Variants in SIX4 observed in about 807,000 individuals in gnomAD.
SIX4 encodes the protein homeobox protein SIX4.
Under a neutral mutation model 51.5 loss-of-function variants are expected in SIX4, and 23 were observed. The ratio of observed to expected loss-of-function variants is 0.45; its 90% CI spans 0.32 to 0.63. The LOEUF (loss-of-function observed/expected upper bound fraction) is 0.63. Among genes scored for constraint, SIX4 ranks in the 30% least tolerant of loss-of-function variants. SIX4 has a pLI of 0.04. For synonymous variants in SIX4, 413 were observed against 417.3 expected (o/e 0.99, Z 0.13); for missense variants, 867 against 984.0 (o/e 0.88, Z 1.59).
At chr14:60,721,127 C>T in intron 1 of SIX4, 1 of 985,610 alleles carries the variant, frequency 1.0e-6, no homozygotes, top group Non-Finnish European at 1.2e-6. Context: ...GCCTATTTAA[C>T]AAACACCATC....
Position 60,719,349 on chromosome 14 carries a change from G to A in SIX4, c.1549+411C>T, listed in dbSNP as rs1204722826. On this transcript the variant is annotated intron_variant, in intron 2 of 2. Coordinates refer to ENST00000216513, the MANE Select transcript of SIX4 (RefSeq NM_017420.5). This position sits in a 1 kb window ranked among gnomAD's most constrained non-coding sequence, Gnocchi z 4.9. The stretch of plus-strand genomic sequence containing the variant: ...AACATTTTTTGGTCAAATAAATAAT[G>A]CTTAGGTAAAGTGTATGCATTCTTA... 2.6e-5 allele frequency among the ~76,000 whole-genome samples: 4 copies of A among 152,154 alleles called. No individual in the cohort carries two copies. The highest frequency in any genetic ancestry group is 5.9e-5 in the Non-Finnish European group (4 of 68,024).
intron 2 of SIX4, among the ~76,000 whole-genome samples, chr14:60,718,646 A>G (rs1360653090): frequency 1.3e-5 from 2 of 152,338 alleles, no homozygotes; most frequent in East Asian, 3.9e-4. Context: ...CATAACTTGG[A>G]ACAATGATGA....
At chr14:60,718,854 G>A (rs1767136809) in intron 2 of SIX4, among the ~76,000 whole-genome samples, 2 of 152,110 alleles carry the variant, frequency 1.3e-5, no homozygotes, top group Admixed American at 1.3e-4. Context: ...ATAGGAAGCA[G>A]ACCTTTAAAG....
In SIX4 at chr14:60,710,061, TA is replaced by T. The variant is rs1895795159; in HGVS notation, c.*3345del. 1 of 152,680 alleles carries T rather than the reference TA, an allele frequency of 6.5e-6. No individual in the cohort carries two copies. Among genetic ancestry groups the T allele is most frequent in the African/African-American group, 2.4e-5 (1 of 41,464 alleles). 9.5% of individuals were successfully genotyped at this position (152,680 alleles called of 1,614,324 possible). A position where few individuals can be genotyped will look rare whatever the true frequency, so the allele number is the denominator to read the frequency against. ...CTATTTCCCCATAGTTTTCCTGAATTATTTTTATTATGAGATGATCTGTCAA... is the reference window on the plus strand; with the variant it reads ...CTATTTCCCCATAGTTTTCCTGAATTTTTTTATTATGAGATGATCTGTCAA... On this transcript the variant is annotated 3_prime_UTR_variant, in exon 3 of 3. Coordinates refer to ENST00000216513, the MANE Select transcript of SIX4 (RefSeq NM_017420.5).
chr14:60,715,257 C>T (rs1287212190), intron 2 of SIX4, among the ~76,000 whole-genome samples: 1 of 152,152 alleles, frequency 6.6e-6, no homozygotes, highest in Non-Finnish European at 1.5e-5. Context: ...TTAGAAAACA[C>T]AAATGCACCT....
At position 60,722,412 on chromosome 14, in the gene SIX4, G is replaced by GA. The variant is rs1896038943; in HGVS notation, c.863+799dup. 6.6e-6 allele frequency among the ~76,000 whole-genome samples: 1 copy of GA among 152,146 alleles called. No individual in the cohort carries two copies. Among genetic ancestry groups the GA allele is most frequent in the Non-Finnish European group, 1.5e-5 (1 of 68,042 alleles). ...CCCCCACCCATAACTACCGTACCAGGAGGGAGCCAAGCAGCGTTCGGGGGC... is the reference window on the plus strand; with the variant it reads ...CCCCCACCCATAACTACCGTACCAGGAAGGGAGCCAAGCAGCGTTCGGGGGC... On this transcript the variant is annotated intron_variant, in intron 1 of 2. Coordinates refer to ENST00000216513, the MANE Select transcript of SIX4 (RefSeq NM_017420.5). This position sits in a 1 kb window ranked among gnomAD's most constrained non-coding sequence, Gnocchi z 5.9.
In SIX4 at chr14:60,723,537, G is replaced by A. The variant is rs775311369; in HGVS notation, c.538C>T (p.Pro180Ser). ...ESHSFESANH[P>S]LLQQLWYKAR... ...TTGTACCAGAGCTGCTGCAGCAGCGGGTGGTTGGCCGACTCGAAGCTGTGG... is the reference window on the plus strand; with the variant it reads ...TTGTACCAGAGCTGCTGCAGCAGCGAGTGGTTGGCCGACTCGAAGCTGTGG... Residue 180 changes from proline (P) to serine (S), a missense_variant, in exon 1 of 3, where the codon CCG becomes TCG. Physicochemically the swap from Pro to Ser is moderately conservative, Grantham distance 74 (BLOSUM62 -1). Transcript: ENST00000216513. The A allele has an allele frequency of 1.4e-5, 22 of 1,608,284 alleles. No homozygotes were observed. Among genetic ancestry groups the A allele is most frequent in the African/African-American group, 5.3e-5 (4 of 74,898 alleles).
rs746676772 is a variant in SIX4 at position 60,713,690 on chromosome 14, A to G, written c.2063T>C (p.Ile688Thr). ...VPMTQAALGE[I>T]VPTAEDQVGH... ...TACCTGATCTTCAGCTGTAGGAACT[A>G]TTTCCCCAAGGGCAGCCTGAGTCAT... Residue 688 changes from isoleucine to threonine, a missense_variant, in exon 3 of 3, where the codon ATA becomes ACA. Transcript: ENST00000216513. 9 of 1,614,208 alleles carry G rather than the reference A, an allele frequency of 5.6e-6. No individual in the cohort carries two copies. The highest frequency in any genetic ancestry group is 7.6e-6 in the Non-Finnish European group (9 of 1,180,032).
chr14:60,713,382 A>G lies in SIX4; in HGVS notation c.*25T>C. On this transcript the variant is annotated 3_prime_UTR_variant, in exon 3 of 3. Transcript: ENST00000216513. The stretch of plus-strand genomic sequence containing the variant: ...ATGAAAAGATTTGCCGCTGATGCCA[A>G]AAAGAGGTGAGGAGGAAATAAAGTT... The G allele has an allele frequency of 6.4e-7, 1 of 1,551,708 alleles. No homozygotes were observed. Among genetic ancestry groups the G allele is most frequent in the Non-Finnish European group, 8.7e-7 (1 of 1,152,514 alleles).
intron 2 of SIX4, among the ~76,000 whole-genome samples, chr14:60,716,059 T>TTTCA (rs1895915177): frequency 1.3e-5 from 2 of 151,530 alleles, no homozygotes; most frequent in Non-Finnish European, 2.9e-5. Flanking sequence ...AGAGATGGGG[T>TTTCA]TTCACCATGT....
intron 1 of SIX4, chr14:60,721,072 A>T: frequency 1.0e-6 from 1 of 985,786 alleles, no homozygotes; most frequent in Non-Finnish European, 1.2e-6. Context: ...TCAACCCAAG[A>T]ACAGTTATGT....
chr14:60,715,014 C>T (rs1000576243), intron 2 of SIX4, among the ~76,000 whole-genome samples: 2 of 149,232 alleles, frequency 1.3e-5, no homozygotes, highest in Non-Finnish European at 3.0e-5. Flanking sequence ...GGGGCATGTG[C>T]GCATGTTTGT....
rs1389155823 is a variant in SIX4 at position 60,719,762 on chromosome 14, T to C, written c.1547A>G (p.Gln516Arg). The C allele has an allele frequency of 1.2e-6, 2 of 1,613,482 alleles. No homozygotes were observed. The highest frequency in any genetic ancestry group is 1.7e-6 in the Non-Finnish European group (2 of 1,179,592). ...AAGGTACCAAATGAGATTGTTACCTTGTGAAGCTGCCACTGACACAGGGGG... is the reference window on the plus strand; with the variant it reads ...AAGGTACCAAATGAGATTGTTACCTCGTGAAGCTGCCACTGACACAGGGGG... ...QLPPVSVAAS[Q>R]GNISVSSSTS... Residue 516 changes from glutamine (Q) to arginine (R), a missense_variant and splice_region_variant, in exon 2 of 3, where the codon CAA (glutamine) becomes CGA (arginine). Transcript: ENST00000216513. This position sits in a 1 kb window ranked among gnomAD's most constrained non-coding sequence, Gnocchi z 4.9.
In SIX4 at chr14:60,723,368, T is replaced by C; in HGVS notation, c.707A>G (p.Asn236Ser). 1 of 1,612,144 alleles carries C rather than the reference T, an allele frequency of 6.2e-7. No individual in the cohort carries two copies. The highest frequency in any genetic ancestry group is 8.5e-7 in the Non-Finnish European group (1 of 1,179,954). ...TVYCFKEKSR[N>S]ALKELYKQNR... ...CTGCTTGTAGAGCTCCTTGAGCGCG[T>C]TGCGCGACTTCTCCTTGAAACAATA... is the stretch of plus-strand genomic sequence containing the variant. The change falls in exon 1 of 3, where the codon AAC becomes AGC. Residue 236 changes from asparagine (N) to serine (S), a missense_variant. Coordinates refer to ENST00000216513, the MANE Select transcript of SIX4 (RefSeq NM_017420.5).
In SIX4 at chr14:60,722,186, C is replaced by T. The variant is rs1896034093; in HGVS notation, c.863+1026G>A. Reference sequence around the variant, plus strand: ...TGGAGACACCAGGTCTTTAGGCGACCTTCTCCTTACTTTGTTTCGTCCAAC... The same window carrying T: ...TGGAGACACCAGGTCTTTAGGCGACTTTCTCCTTACTTTGTTTCGTCCAAC... On this transcript the variant is annotated intron_variant, in intron 1 of 2. Coordinates refer to ENST00000216513, the MANE Select transcript of SIX4 (RefSeq NM_017420.5). This position sits in a 1 kb window ranked among gnomAD's most constrained non-coding sequence, Gnocchi z 5.9. Among the ~76,000 whole-genome samples, 1 of 152,220 alleles carries T rather than the reference C, an allele frequency of 6.6e-6. No individual in the cohort carries two copies.
rs1395823673 is a variant in SIX4, at chr14:60,717,442, G to C, written c.1549+2318C>G. Among the ~76,000 whole-genome samples the C allele has an allele frequency of 6.6e-6, 1 of 152,166 alleles. No individual in the cohort carries two copies. Among genetic ancestry groups the C allele is most frequent in the Non-Finnish European group, 1.5e-5 (1 of 68,020 alleles). ...CTCAAATAGATGTTTAGTTTATTGT[G>C]TGTATGTTTATGAAATTGTTTGCCA... On this transcript the variant is annotated intron_variant, in intron 2 of 2. Coordinates refer to ENST00000216513, the MANE Select transcript of SIX4 (RefSeq NM_017420.5). The surrounding 1 kb of genome is among the most constrained non-coding windows in gnomAD (Gnocchi z 4.6).
intron 2 of SIX4, among the ~76,000 whole-genome samples, chr14:60,716,521 G>T (rs1233311355): frequency 6.6e-6 from 1 of 152,060 alleles, no homozygotes; most frequent in Admixed American, 6.5e-5. Flanking sequence ...AAAGTGCTGG[G>T]ATTACAGGCA....
chr14:60,723,395 A>G lies in SIX4; in HGVS notation c.680T>C (p.Val227Ala), dbSNP rs778163761. 2.5e-6 allele frequency: 4 copies of G among 1,610,410 alleles called. No individual in the cohort carries two copies. Among genetic ancestry groups the G allele is most frequent in the Admixed American group, 3.3e-5 (2 of 59,918 alleles). ...PRTIWDGEET[V>A]YCFKEKSRNA... The stretch of plus-strand genomic sequence containing the variant: ...GCGCGACTTCTCCTTGAAACAATAC[A>G]CCGTCTCCTCGCCGTCCCAGATGGT... Residue 227 changes from valine (V) to alanine (A), a missense_variant, in exon 1 of 3, where the codon GTG becomes GCG. Transcript: ENST00000216513.
chr14:60,718,470 T>A (rs1370796726), intron 2 of SIX4, among the ~76,000 whole-genome samples: 1 of 152,194 alleles, frequency 6.6e-6, no homozygotes, highest in Non-Finnish European at 1.5e-5. Flanking sequence ...CATAACTCAT[T>A]CTTTCTGCTC....
Sources: allele counts gnomAD v4.1 joint callset (sites outside exome capture counted in the v4.1 genomes callset), GRCh38; gene constraint gnomAD v4.1.1; non-coding constraint Gnocchi (gnomAD v3.1); transcripts MANE v1.5; gene names NCBI Gene and HGNC (gene_info 2026-07-23, HGNC 2026-07-21).